ATF6: variants seen among roughly 807,000 people sequenced by gnomAD.
ATF6 encodes the protein cyclic AMP-dependent transcription factor ATF-6 alpha.
Under a neutral mutation model 83.6 loss-of-function variants are expected in ATF6, and 53 were observed. That is an observed-to-expected ratio of 0.63 (90% confidence interval 0.51 to 0.80). The LOEUF (loss-of-function observed/expected upper bound fraction) is 0.80. ATF6 is among the 30% of genes least tolerant of loss of function. The pLI is 0.00. For synonymous variants in ATF6, 288 were observed against 285.8 expected (o/e 1.01, Z -0.08); for missense variants, 744 against 797.9 (o/e 0.93, Z 0.81).
intron 13 of ATF6, among the ~76,000 whole-genome samples, chr1:161,861,251 A>G (rs1686880208): frequency 6.6e-6 from 1 of 152,196 alleles, no homozygotes; most frequent in Non-Finnish European, 1.5e-5. Context: ...TTTAACATTT[A>G]CTTAGAATAT....
At chr1:161,877,340 A>G (rs541692447) in intron 14 of ATF6, among the ~76,000 whole-genome samples, 13 of 152,148 alleles carry the variant, frequency 8.5e-5, no homozygotes, top group Non-Finnish European at 1.9e-4. Flanking sequence ...TGATGAAAAC[A>G]CACAATGGAC....
At chr1:161,927,185 A>G (rs997134253) in intron 15 of ATF6, among the ~76,000 whole-genome samples, 1 of 152,204 alleles carries the variant, frequency 6.6e-6, no homozygotes, top group Non-Finnish European at 1.5e-5. Context: ...CAGCTAAGAA[A>G]ACGGGTTGAG....
At chr1:161,880,280 A>C (rs1503816) in intron 14 of ATF6, among the ~76,000 whole-genome samples, 21,528 of 152,000 alleles carry the variant, frequency 0.14, 2,087 homozygotes, top group East Asian at 0.32. Context: ...TATAATTGAC[A>C]TATAATAAAC....
intron 14 of ATF6, among the ~76,000 whole-genome samples, chr1:161,881,153 A>G (rs1687317902): frequency 6.6e-6 from 1 of 152,012 alleles, no homozygotes. Flanking sequence ...TGTTTTGTTT[A>G]GCAGCTTAGA....
At chr1:161,862,034 AAC>A (rs1686897190) in intron 13 of ATF6, among the ~76,000 whole-genome samples, 1 of 152,210 alleles carries the variant, frequency 6.6e-6, no homozygotes, top group African/African-American at 2.4e-5. Flanking sequence ...TCTAAACAGA[AAC>A]ACATAAATAA....
intron 14 of ATF6, chr1:161,891,430 C>G (rs563119646): frequency 6.6e-6 from 1 of 152,342 alleles, no homozygotes. Context: ...GATAGCACAG[C>G]GGCCTCCTCT....
intron 14 of ATF6, among the ~76,000 whole-genome samples, chr1:161,888,152 A>T (rs993061061): frequency 6.6e-6 from 1 of 152,264 alleles, no homozygotes; most frequent in African/African-American, 2.4e-5. Context: ...AAAGGATTTC[A>T]TATTCTATCA....
chr1:161,809,622 G>C (rs373912715), intron 7 of ATF6, among the ~76,000 whole-genome samples: 1 of 152,348 alleles, frequency 6.6e-6, no homozygotes, highest in East Asian at 1.9e-4. Flanking sequence ...TTGCCACACT[G>C]TCTTCCACAA....
chr1:161,801,876 C>G (rs1450940601), intron 6 of ATF6, among the ~76,000 whole-genome samples, 176 bp from the exon 7 acceptor site: 1 of 152,138 alleles, frequency 6.6e-6, no homozygotes, highest in African/African-American at 2.4e-5. Context: ...ACATTAAAAA[C>G]ATAACAAAGT....
intron 15 of ATF6, 139 bp downstream of exon 15, chr1:161,912,519 GT>G: frequency 1.5e-5 from 7 of 473,714 alleles, no homozygotes; most frequent in Non-Finnish European, 2.1e-5. Context: ...TTTTTCCACT[GT>G]TTTATTATTT....
intron 14 of ATF6, among the ~76,000 whole-genome samples, chr1:161,879,417 T>TA (rs2101856255): frequency 6.6e-6 from 1 of 152,136 alleles, no homozygotes; most frequent in Non-Finnish European, 1.5e-5. Context: ...TTACAGTTGA[T>TA]TAATAAGACA....
At chr1:161,847,878 T>G (rs1686520850) in intron 10 of ATF6, among the ~76,000 whole-genome samples, 1 of 152,124 alleles carries the variant, frequency 6.6e-6, no homozygotes, top group Non-Finnish European at 1.5e-5. Flanking sequence ...ACAAGAATAT[T>G]ATTTATTCTG....
At chr1:161,931,598 A>C (rs1688435311) in intron 15 of ATF6, among the ~76,000 whole-genome samples, 1 of 152,130 alleles carries the variant, frequency 6.6e-6, no homozygotes, top group African/African-American at 2.4e-5. Context: ...CCCCATTAGC[A>C]GTGACTCCTC....
chr1:161,913,744 C>G (rs1198289793), intron 15 of ATF6, among the ~76,000 whole-genome samples: 1 of 152,142 alleles, frequency 6.6e-6, no homozygotes, highest in East Asian at 1.9e-4. Flanking sequence ...TTTAGGAAGT[C>G]TCACTTATAC....
intron 12 of ATF6, among the ~76,000 whole-genome samples, chr1:161,855,900 G>A (rs774754094): frequency 1.3e-5 from 2 of 152,174 alleles, no homozygotes; most frequent in Non-Finnish European, 2.9e-5. Context: ...GATGGCAAAA[G>A]CCAACTGAAG....
chr1:161,909,534 C>T (rs1427049777), intron 14 of ATF6, among the ~76,000 whole-genome samples: 1 of 151,868 alleles, frequency 6.6e-6, no homozygotes, highest in Non-Finnish European at 1.5e-5. Context: ...AAAAAAAAGG[C>T]TGTTTCTGCC....
At chr1:161,870,520 T>C (rs1445987704) in intron 14 of ATF6, among the ~76,000 whole-genome samples, 1 of 151,748 alleles carries the variant, frequency 6.6e-6, no homozygotes, top group African/African-American at 2.4e-5. Context: ...AGTGGGGTTT[T>C]TGTGTGTGTA....
intron 1 of ATF6, among the ~76,000 whole-genome samples, chr1:161,772,657 T>G (rs1209211382): frequency 6.6e-6 from 1 of 152,086 alleles, no homozygotes; most frequent in East Asian, 1.9e-4. Context: ...GTTTCCTGCA[T>G]CAGCATTTCC....
intron 2 of ATF6, 36 bp downstream of exon 2, chr1:161,778,356 A>C (rs202126860): frequency 5.9e-6 from 9 of 1,535,620 alleles, no homozygotes; most frequent in Middle Eastern, 1.7e-4. Context: ...TGTGATATTT[A>C]GTCTTTAACC....
Sources: gnomAD v4.1 joint callset for allele counts (sites outside exome capture counted in the v4.1 genomes callset) on GRCh38, gnomAD v4.1.1 for gene constraint, MANE v1.5 for transcripts, NCBI Gene and HGNC (gene_info 2026-07-23, HGNC 2026-07-21) for gene names.